SLC26A5: variants seen among roughly 807,000 people sequenced by gnomAD.
SLC26A5 encodes prestin.
SLC26A5 carries 51 observed loss-of-function variants against 81.0 expected under a neutral mutation model. That is an observed-to-expected ratio of 0.63 (90% CI 0.50 to 0.80). SLC26A5 has a LOEUF of 0.80. Among genes scored for constraint, SLC26A5 ranks in the 30% least tolerant of loss-of-function variants. SLC26A5 has a pLI of 0.00. For missense variants in SLC26A5, 771 were observed against 905.8 expected, an observed-to-expected ratio of 0.85 and a Z score of 1.91; for synonymous variants, 325 against 332.8, an observed-to-expected ratio of 0.98 and a Z score of 0.25.
chr7:103,395,515 AT>A (rs1823026373), intron 9 of SLC26A5, among the ~76,000 whole-genome samples: 2 of 72,642 alleles, frequency 2.8e-5, no homozygotes, highest in Non-Finnish European at 5.6e-5. Context: ...ATATATATAT[AT>A]ATATAAATTT....
intron 4 of SLC26A5, among the ~76,000 whole-genome samples, chr7:103,413,448 G>C (rs1824666768): frequency 6.6e-6 from 1 of 152,126 alleles, no homozygotes; most frequent in African/African-American, 2.4e-5. Flanking sequence ...TTCTCCAATG[G>C]GGTGTTTTTG....
chr7:103,381,949 AC>A (rs1035051857), intron 14 of SLC26A5, among the ~76,000 whole-genome samples: 2 of 151,626 alleles, frequency 1.3e-5, no homozygotes, highest in Non-Finnish European at 2.9e-5. Context: ...ACACACACAC[AC>A]ATCACGTATA....
intron 2 of SLC26A5, among the ~76,000 whole-genome samples, chr7:103,431,049 T>C (rs531455138): frequency 6.6e-6 from 1 of 152,326 alleles, no homozygotes; most frequent in Non-Finnish European, 1.5e-5. Context: ...TTAACGCTCA[T>C]AAGATATGCC....
At chr7:103,371,740 G>A (rs1267149345), downstream of SLC26A5, among the ~76,000 whole-genome samples, 1 of 146,602 alleles carries the variant, frequency 6.8e-6, no homozygotes, top group African/African-American at 2.5e-5. Context: ...CTGACACCCA[G>A]GCTGGAGTGC....
At chr7:103,385,536 C>A (rs920367785) in intron 14 of SLC26A5, among the ~76,000 whole-genome samples, 1 of 151,994 alleles carries the variant, frequency 6.6e-6, no homozygotes, top group African/African-American at 2.4e-5. Flanking sequence ...ACAGAAGAAG[C>A]CAGCTGAAAA....
intron 7 of SLC26A5, among the ~76,000 whole-genome samples, chr7:103,409,917 C>T (rs1824347597): frequency 6.6e-6 from 1 of 152,062 alleles, no homozygotes; most frequent in Non-Finnish European, 1.5e-5. Flanking sequence ...ACTTGTTAGC[C>T]AGGATAGTCT....
chr7:103,398,760 A>G (rs946589649), intron 8 of SLC26A5, among the ~76,000 whole-genome samples: 2 of 152,222 alleles, frequency 1.3e-5, no homozygotes, highest in African/African-American at 4.8e-5. Context: ...AGAGCTGGCC[A>G]GGGAAGGAAG....
downstream of SLC26A5, among the ~76,000 whole-genome samples, chr7:103,371,995 G>T (rs912876834): frequency 4.6e-5 from 7 of 152,136 alleles, no homozygotes; most frequent in Non-Finnish European, 1.0e-4. Flanking sequence ...GCACCTGGCC[G>T]AAGTATTTTA....
rs1470187147 is a variant in SLC26A5, at chr7:103,420,725, A to G, written c.292+13T>C. On this transcript the variant is annotated intron_variant, in intron 4 of 19. Transcript: ENST00000306312. The stretch of plus-strand genomic sequence containing the variant: ...AGGACAGCAAGGGGGGAAAGAAAGA[A>G]AGATCTACTGACCTTGAGGAAGCTG... 6.2e-7 allele frequency: 1 copy of G among 1,613,854 alleles called. No homozygotes were observed. The highest frequency in any genetic ancestry group is 8.5e-7 in the Non-Finnish European group (1 of 1,179,962).
intron 19 of SLC26A5, among the ~76,000 whole-genome samples, chr7:103,357,790 T>C (rs1289150502): frequency 6.6e-6 from 1 of 152,184 alleles, no homozygotes; most frequent in African/African-American, 2.4e-5. Flanking sequence ...TGCCTGGTTT[T>C]CTGTGCATAT....
At chr7:103,440,302 A>C (rs954151935) in intron 2 of SLC26A5, among the ~76,000 whole-genome samples, 2 of 152,242 alleles carry the variant, frequency 1.3e-5, no homozygotes, top group Non-Finnish European at 1.5e-5. Context: ...ACTGGCTAAG[A>C]AATTTTTACC....
intron 16 of SLC26A5, 77 bp from the exon 17 acceptor site, chr7:103,378,630 C>T: frequency 7.8e-7 from 1 of 1,282,854 alleles, no homozygotes; most frequent in Non-Finnish European, 1.1e-6. Context: ...CCCTTCAAAT[C>T]TCCCCATTTA....
At position 103,412,150 on chromosome 7, in the gene SLC26A5, T is replaced by G. The variant is rs1039560706; in HGVS notation, c.404-564A>C. ...CCTGAACTGCAGGCACTATGGAAGA[T>G]ACAAACATGATTGTTGTTGTAAAGC... is the stretch of plus-strand genomic sequence containing the variant. On this transcript the variant is annotated intron_variant, in intron 5 of 19. Coordinates refer to ENST00000306312, the MANE Select transcript of SLC26A5 (RefSeq NM_198999.3). 2.6e-5 allele frequency among the ~76,000 whole-genome samples: 4 copies of G among 152,326 alleles called. No individual in the cohort carries two copies. In the East Asian group the frequency reaches 7.7e-4, roughly 29 times the overall value.
intron 2 of SLC26A5, among the ~76,000 whole-genome samples, chr7:103,441,248 C>T (rs1196103304): frequency 1.3e-5 from 2 of 152,156 alleles, no homozygotes; most frequent in African/African-American, 2.4e-5. Context: ...TTGACAGTCA[C>T]ATATATACAC....
chr7:103,383,669 A>G (rs1048256234), intron 14 of SLC26A5, among the ~76,000 whole-genome samples: 1 of 151,954 alleles, frequency 6.6e-6, no homozygotes, highest in Non-Finnish European at 1.5e-5. Flanking sequence ...TTTTTGTTTT[A>G]TTATTTACTT....
At chr7:103,424,552 C>T (rs1048024213) in intron 2 of SLC26A5, among the ~76,000 whole-genome samples, 7 of 152,182 alleles carry the variant, frequency 4.6e-5, no homozygotes, top group Non-Finnish European at 1.0e-4. Flanking sequence ...TTGTAGACAT[C>T]ATCTTCTTAG....
chr7:103,442,390 G>T (rs571377192), intron 2 of SLC26A5, among the ~76,000 whole-genome samples: 1 of 152,138 alleles, frequency 6.6e-6, no homozygotes, highest in African/African-American at 2.4e-5. Context: ...CACCCTCCTC[G>T]GTCTCCCAAA....
intron 11 of SLC26A5, 23 bp from the exon 12 acceptor site, chr7:103,390,529 A>T: frequency 3.1e-6 from 5 of 1,605,848 alleles, no homozygotes; most frequent in Non-Finnish European, 4.3e-6. Context: ...AGACACATGG[A>T]AGGGGCTTTT....
downstream of SLC26A5, among the ~76,000 whole-genome samples, chr7:103,372,062 T>C (rs1014964666): frequency 6.6e-6 from 1 of 152,198 alleles, no homozygotes; most frequent in Admixed American, 6.5e-5. Flanking sequence ...TATTAGCTCG[T>C]TTACAAAAGT....
Sources: gnomAD v4.1 joint callset for allele counts (sites outside exome capture counted in the v4.1 genomes callset) on GRCh38, gnomAD v4.1.1 for gene constraint, MANE v1.5 for transcripts, NCBI Gene and HGNC (gene_info 2026-07-23, HGNC 2026-07-21) for gene names.